NEB: variants seen among roughly 807,000 people sequenced by gnomAD.
NEB encodes the protein nebulin, also known as nemaline myopathy type 2.
A neutral mutation model predicts 952.2 loss-of-function variants in NEB; 512 were observed. That is an observed-to-expected ratio of 0.54 (90% confidence interval 0.50 to 0.58). The LOEUF is 0.58. Ranked by LOEUF, NEB falls within the 20% of genes least tolerant of loss-of-function variation. The probability of loss-of-function intolerance (pLI) is 0.00; values close to 1 mark genes in which losing one functional copy is unlikely to be tolerated. For synonymous variants in NEB, 2,900 were observed against 3,149.8 expected (o/e 0.92, Z 2.66); for missense variants, 8,428 against 9,231.1 (o/e 0.91, Z 3.56).
chr2:151,627,563 T>C lies in NEB; in HGVS notation c.10103A>G (p.Asp3368Gly), dbSNP rs537951612. The C allele has an allele frequency of 1.2e-6, 2 of 1,614,008 alleles. No homozygotes were observed. The highest frequency in any genetic ancestry group is 1.1e-5 in the South Asian group (1 of 91,082). ...HEWTCLPDQN[D>G]VIHARQAYDL... is the part of the protein sequence containing the mutation. ...ATAGGCCTGCCGAGCATGGATGACA[T>C]CATTCTGGTCGGGCAGGCACGTCCA... Residue 3368 changes from aspartate to glycine, a missense_variant, in exon 69 of 182, where the codon GAT becomes GGT. Coordinates refer to ENST00000397345, the MANE Select transcript of NEB (RefSeq NM_001164508.2).
In NEB at chr2:151,724,911, A is replaced by G. The variant is rs759482454; in HGVS notation, c.453T>C (p.Asp151=). 5.0e-6 allele frequency: 8 copies of G among 1,613,720 alleles called. No homozygotes were observed. Among genetic ancestry groups the G allele is most frequent in the Non-Finnish European group, 6.8e-6 (8 of 1,179,838 alleles). Residue 151 remains aspartate (D), a synonymous_variant, in exon 7 of 182, where the codon GAT becomes GAC. Coordinates refer to ENST00000397345, the MANE Select transcript of NEB (RefSeq NM_001164508.2). ...GDVAKTICHV[D]EKAKDIEHAK... is the part of the protein sequence containing the mutation. The stretch of plus-strand genomic sequence containing the variant: ...CATGTTCAATATCCTTTGCTTTTTC[A>G]TCTACGTGACATATAGTCTTAGCAA...
chr2:151,724,801 T>G, intron 7 of NEB, 56 bp downstream of exon 7: 1 of 1,447,800 alleles, frequency 6.9e-7, no homozygotes, highest in Non-Finnish European at 9.6e-7. Flanking sequence ...TATAAGACAA[T>G]GCAGAGGTGA....
Position 151,692,560 on chromosome 2 carries a change from T to G in NEB, c.1897-198A>C, listed in dbSNP as rs565679431. ...ATATAATCTCATCTGCTAATAATCA[T>G]GAAGATGTTTATGTTACTTTTCCTA... On this transcript the variant is annotated intron_variant, in intron 20 of 181. Coordinates refer to ENST00000397345, the MANE Select transcript of NEB (RefSeq NM_001164508.2). 1.3e-5 allele frequency: 8 copies of G among 614,874 alleles called. No individual in the cohort carries two copies. The South Asian group carries it at 1.4e-4, about 11-fold the overall frequency. 38.1% of individuals were successfully genotyped at this position (614,874 alleles called of 1,614,324 possible). A position where few individuals can be genotyped will look rare whatever the true frequency, so the allele number is the denominator to read the frequency against.
chr2:151,620,976 C>T lies in NEB; in HGVS notation c.10503G>A (p.Leu3501=). ...CCACAATGGGAATGGCATCACTTCT[C>T]AAGTCATAGCCTTCTTTCTTGGCTT... is the stretch of plus-strand genomic sequence containing the variant. ...MEEAKKEGYD[L]RSDAIPIVAA... is the part of the protein sequence containing the mutation. The change falls in exon 72 of 182, where the codon TTG becomes TTA. Residue 3501 remains leucine (L), a synonymous_variant. Transcript: ENST00000397345. 3 of 1,612,962 alleles carry T rather than the reference C, an allele frequency of 1.9e-6. No homozygotes were observed. Among genetic ancestry groups the T allele is most frequent in the Non-Finnish European group, 2.5e-6 (3 of 1,179,504 alleles).
chr2:151,680,106 A>G (rs2099403306), intron 30 of NEB, 84 bp from the exon 31 acceptor site: 3 of 1,015,632 alleles, frequency 3.0e-6, no homozygotes, highest in African/African-American at 3.2e-5. Flanking sequence ...CTAATGGATC[A>G]TATTTCACAG....
intron 7 of NEB, among the ~76,000 whole-genome samples, chr2:151,724,625 G>A (rs1361362657): frequency 6.6e-6 from 1 of 152,180 alleles, no homozygotes; most frequent in East Asian, 1.9e-4. Flanking sequence ...CAACAGCCTG[G>A]AGCCGAGTCA....
At position 151,572,535 on chromosome 2, in the gene NEB, A is replaced by T. The variant is rs1006479225; in HGVS notation, c.17014-1934T>A. Among the ~76,000 whole-genome samples the T allele has an allele frequency of 6.2e-5, 9 of 145,274 alleles. No homozygotes were observed. The South Asian group carries it at 8.6e-4, about 14-fold the overall frequency. On this transcript the variant is annotated intron_variant, in intron 107 of 181. Transcript: ENST00000397345. ...TATATATATATAAAATATATATATA[A>T]AAGTATATATATATATACTTTTTTT... is the stretch of plus-strand genomic sequence containing the variant.
intron 70 of NEB, 141 bp from the exon 71 acceptor site, chr2:151,625,779 T>C: frequency 2.0e-6 from 1 of 496,728 alleles, no homozygotes; most frequent in East Asian, 3.0e-5. Context: ...TCAACCTCTT[T>C]GATTTTACAA....
chr2:151,662,256 T>G lies in NEB; in HGVS notation c.5849A>C (p.Lys1950Thr), dbSNP rs758655350. ...CTTTTCACTAATAATCTCCATGGCT[T>G]TCTTGTTTTTCTCTGCTTCCAGGGA... ...LGSLEAEKNK[K>T]AMEIISEKKY... Residue 1950 changes from lysine (K) to threonine (T), a missense_variant, in exon 46 of 182, where the codon AAA becomes ACA. By Grantham distance (78) the Lys-to-Thr change is moderately conservative. This residue lies in a region of NEB where 2,851 missense variants were observed against 2,791.5 expected (regional missense o/e 1.02). Coordinates refer to ENST00000397345, the MANE Select transcript of NEB (RefSeq NM_001164508.2). 4.3e-6 allele frequency: 7 copies of G among 1,613,624 alleles called. No homozygotes were observed. In the South Asian group the frequency reaches 7.7e-5, roughly 18 times the overall value.
chr2:151,630,670 T>C, intron 67 of NEB, 45 bp downstream of exon 67: 5 of 1,470,274 alleles, frequency 3.4e-6, no homozygotes, highest in East Asian at 2.4e-5. Flanking sequence ...AAACTAAGTA[T>C]AGACACCACC....
At chr2:151,717,155 T>C (rs1020447276) in intron 10 of NEB, among the ~76,000 whole-genome samples, 1 of 152,254 alleles carries the variant, frequency 6.6e-6, no homozygotes, top group Non-Finnish European at 1.5e-5. Flanking sequence ...CAAGTGACAT[T>C]AGAACATGGC....
At position 151,493,816 on chromosome 2, in the gene NEB, C is replaced by G; in HGVS notation, c.24631G>C (p.Glu8211Gln). 1 of 1,588,442 alleles carries G rather than the reference C, an allele frequency of 6.3e-7. No homozygotes were observed. The highest frequency in any genetic ancestry group is 8.6e-7 in the Non-Finnish European group (1 of 1,165,692). Residue 8211 changes from glutamate (E) to glutamine (Q), a missense_variant, in exon 175 of 182, where the codon GAG (glutamate) becomes CAG (glutamine). By Grantham distance (29) the Glu-to-Gln change is conservative. Around this residue, in one of 11 missense-constraint regions of NEB, gnomAD observed 3,374 missense variants for 3,651.5 expected, o/e 0.92. Coordinates refer to ENST00000397345, the MANE Select transcript of NEB (RefSeq NM_001164508.2). The stretch of plus-strand genomic sequence containing the variant: ...TGATTGCGTTTCACTCTTTCCATCT[C>G]AGGAGTAAAGGGTGTGGGGGTTGCT... ...GKATPTPFTP[E>Q]MERVKRNQEN...
At position 151,684,842 on chromosome 2, in the gene NEB, T is replaced by G. The variant is rs199903114; in HGVS notation, c.2771A>C (p.Tyr924Ser). 1.9e-4 allele frequency: 311 copies of G among 1,613,426 alleles called. No individual in the cohort carries two copies. The Middle Eastern group carries it at 3.0e-3, about 15-fold the overall frequency. Residue 924 changes from tyrosine to serine, a missense_variant, in exon 28 of 182, where the codon TAC becomes TCC. This residue lies in a region of NEB where 2,851 missense variants were observed against 2,791.5 expected (regional missense o/e 1.02). Transcript: ENST00000397345. ...DVDYKHILHS[Y>S]SYPPDSINVD... Reference sequence around the variant, plus strand: ...ATTGATGCTATCAGGGGGGTAGCTGTAACTGTGTAAGATGTGCTTATAATC... The same window carrying G: ...ATTGATGCTATCAGGGGGGTAGCTGGAACTGTGTAAGATGTGCTTATAATC...
At chr2:151,704,048 T>C (rs1435243781) in intron 13 of NEB, among the ~76,000 whole-genome samples, 2 of 91,366 alleles carry the variant, frequency 2.2e-5, no homozygotes, top group Non-Finnish European at 4.2e-5. Flanking sequence ...GGTGTGGATG[T>C]CCTTTCTGTT....
intron 135 of NEB, among the ~76,000 whole-genome samples, chr2:151,544,880 T>C (rs1268520729): frequency 3.3e-5 from 5 of 152,216 alleles, no homozygotes; most frequent in African/African-American, 1.2e-4. Context: ...AACTGATGAA[T>C]GGAGCTACAA....
rs780384722 is a variant in NEB at position 151,524,387 on chromosome 2, T to G, written c.22403A>C (p.Glu7468Ala). ...EVEYRAKHRK[E>A]GSHGLSMLGR... ...GAGCATGCTTAAGCCATGGCTGCCT[T>G]CCTTGCGGTGCTTGGCTCTGTACTC... Residue 7468 changes from glutamate to alanine, a missense_variant, in exon 153 of 182, where the codon GAA becomes GCA. Glu to Ala is a moderately radical substitution (Grantham distance 107). This residue lies in a region of NEB where 3,374 missense variants were observed against 3,651.5 expected (regional missense o/e 0.92). Transcript: ENST00000397345. 3.1e-6 allele frequency: 5 copies of G among 1,613,992 alleles called. 1 individual carries two copies. In the South Asian group the frequency reaches 4.4e-5, roughly 14 times the overall value.
Position 151,506,220 on chromosome 2 carries a change from G to C in NEB, c.23595C>G (p.Ile7865Met). 3.7e-6 allele frequency: 6 copies of C among 1,613,620 alleles called. No homozygotes were observed. Among genetic ancestry groups the C allele is most frequent in the Non-Finnish European group, 5.1e-6 (6 of 1,179,572 alleles). ...CTCTCATCATCTCAGGTGTCTTTCCGATAGCCGTTCCTGGTGAGACATCCT... is the reference window on the plus strand; with the variant it reads ...CTCTCATCATCTCAGGTGTCTTTCCCATAGCCGTTCCTGGTGAGACATCCT... ...YKEDVSPGTA[I>M]GKTPEMMRVK... The change falls in exon 164 of 182, where the codon ATC (isoleucine) becomes ATG (methionine). Residue 7865 changes from isoleucine to methionine, a missense_variant. Coordinates refer to ENST00000397345, the MANE Select transcript of NEB (RefSeq NM_001164508.2).
Position 151,655,311 on chromosome 2 carries a change from C to T in NEB, c.6766G>A (p.Asp2256Asn). ...TKIHVMPDTP[D>N]ILQAKQNQTL... is the part of the protein sequence containing the mutation. ...TGATTCTGCTTGGCTTGTAAAATATCTGGTGTATCAGGCATCACATGAATC... is the reference window on the plus strand; with the variant it reads ...TGATTCTGCTTGGCTTGTAAAATATTTGGTGTATCAGGCATCACATGAATC... Residue 2256 changes from aspartate to asparagine, a missense_variant, in exon 51 of 182, where the codon GAT becomes AAT. Around this residue, in one of 11 missense-constraint regions of NEB, gnomAD observed 2,851 missense variants for 2,791.5 expected, o/e 1.02. Coordinates refer to ENST00000397345, the MANE Select transcript of NEB (RefSeq NM_001164508.2). The T allele has an allele frequency of 6.2e-7, 1 of 1,600,466 alleles. No homozygotes were observed. Among genetic ancestry groups the T allele is most frequent in the Non-Finnish European group, 8.5e-7 (1 of 1,170,438 alleles).
intron 135 of NEB, among the ~76,000 whole-genome samples, chr2:151,543,399 T>A (rs1472959469): frequency 6.6e-6 from 1 of 152,194 alleles, no homozygotes; most frequent in East Asian, 1.9e-4. Flanking sequence ...TGTTTTTTCA[T>A]GTTACTATTG....
Sources: allele counts gnomAD v4.1 joint callset (sites outside exome capture counted in the v4.1 genomes callset), GRCh38; gene constraint gnomAD v4.1.1; regional missense constraint gnomAD v4.1.1; transcripts MANE v1.5; gene names NCBI Gene and HGNC (gene_info 2026-07-23, HGNC 2026-07-21).